RTN1: variants seen among roughly 807,000 people sequenced by gnomAD.
RTN1 encodes reticulon 1, also known as reticulon-1.
Under a neutral mutation model 65.5 loss-of-function variants are expected in RTN1, and 25 were observed. That is an observed-to-expected ratio of 0.38 (90% CI 0.28 to 0.53). The LOEUF (loss-of-function observed/expected upper bound fraction) is 0.53, where lower values mean the gene tolerates loss of function less well. RTN1 is among the 20% of genes least tolerant of loss of function. RTN1 has a pLI of 0.79. For missense variants in RTN1, 983 were observed against 1,025.4 expected (o/e 0.96, Z 0.57); for synonymous variants, 471 against 447.6 (o/e 1.05, Z -0.66).
At chr14:59,839,796 T>C (rs540624126) in intron 1 of RTN1, among the ~76,000 whole-genome samples, 2 of 152,236 alleles carry the variant, frequency 1.3e-5, no homozygotes, top group African/African-American at 2.4e-5. Flanking sequence ...CTCTCTAATA[T>C]ATCTAATTCA....
intron 1 of RTN1, among the ~76,000 whole-genome samples, chr14:59,812,837 G>A (rs1301668069): frequency 2.0e-5 from 3 of 152,194 alleles, no homozygotes; most frequent in African/African-American, 7.2e-5. Context: ...CTGAAATATA[G>A]CACAATCTTT....
At chr14:59,732,506 A>C (rs1663254810) in intron 2 of RTN1, among the ~76,000 whole-genome samples, 1 of 152,210 alleles carries the variant, frequency 6.6e-6, no homozygotes, top group African/African-American at 2.4e-5. Flanking sequence ...CACAAAGCCA[A>C]GGGAACCCCC....
chr14:59,671,765 G>T (rs1002230396), intron 3 of RTN1, among the ~76,000 whole-genome samples: 2 of 152,318 alleles, frequency 1.3e-5, no homozygotes, highest in African/African-American at 4.8e-5. Flanking sequence ...ACCTGAAAAG[G>T]CCAATGCTTA....
In RTN1 at chr14:59,794,392, C is replaced by A. The variant is rs1886404150; in HGVS notation, c.242-47911G>T. On this transcript the variant is annotated intron_variant, in intron 1 of 8. Transcript: ENST00000267484. This position sits in a 1 kb window ranked among gnomAD's most constrained non-coding sequence, Gnocchi z 5.1. ...ACAAACTTGAAAGTATTCTAAGCCA[C>A]TGGATCAAATCACCTCCAAAGCCTG... is the stretch of plus-strand genomic sequence containing the variant. 6.6e-6 allele frequency among the ~76,000 whole-genome samples: 1 copy of A among 152,174 alleles called. No homozygotes were observed. The highest frequency in any genetic ancestry group is 2.1e-4 in the South Asian group (1 of 4,824).
chr14:59,763,248 G>C (rs1054258565), intron 1 of RTN1, among the ~76,000 whole-genome samples: 1 of 152,134 alleles, frequency 6.6e-6, no homozygotes, highest in African/African-American at 2.4e-5. Context: ...TGACAAGAAA[G>C]ATTAATGTCC....
chr14:59,738,852 A>G (rs1885056759), intron 2 of RTN1, among the ~76,000 whole-genome samples: 2 of 152,212 alleles, frequency 1.3e-5, no homozygotes, highest in East Asian at 3.8e-4. Context: ...CTTCACAGGG[A>G]CATGGATGGA....
intron 1 of RTN1, among the ~76,000 whole-genome samples, chr14:59,757,084 C>T (rs1885654820): frequency 6.6e-6 from 1 of 152,156 alleles, no homozygotes; most frequent in African/African-American, 2.4e-5. Context: ...TTCCCATATG[C>T]CCCTGCCTCC....
At chr14:59,798,826 A>C (rs751191622) in intron 1 of RTN1, among the ~76,000 whole-genome samples, 1 of 151,982 alleles carries the variant, frequency 6.6e-6, no homozygotes, top group Non-Finnish European at 1.5e-5. Context: ...GTGGGGAGAC[A>C]TTATTCTGTT....
intron 3 of RTN1, among the ~76,000 whole-genome samples, chr14:59,648,020 TTA>T (rs1882937769): frequency 1.3e-5 from 2 of 151,956 alleles, no homozygotes; most frequent in Non-Finnish European, 2.9e-5. Flanking sequence ...TTGAAAAACA[TTA>T]ATAAGGTAGT....
At chr14:59,701,017 A>G (rs2139447641) in intron 3 of RTN1, among the ~76,000 whole-genome samples, 1 of 152,332 alleles carries the variant, frequency 6.6e-6, no homozygotes, top group South Asian at 2.1e-4. Context: ...TTAGTTCAAC[A>G]GTAAAAAGAA....
intron 3 of RTN1, among the ~76,000 whole-genome samples, chr14:59,624,323 G>A (rs1013406111): frequency 7.9e-5 from 12 of 152,196 alleles, no homozygotes; most frequent in Admixed American, 3.3e-4. Flanking sequence ...TAATTATCAA[G>A]ATTTAAAGTA....
intron 3 of RTN1, among the ~76,000 whole-genome samples, chr14:59,679,929 G>C (rs887739723): frequency 1.3e-5 from 2 of 152,132 alleles, no homozygotes; most frequent in Admixed American, 1.3e-4. Context: ...TAAAAAAATA[G>C]AACTTCTTAA....
intron 3 of RTN1, among the ~76,000 whole-genome samples, chr14:59,697,362 C>A (rs2139444361): frequency 6.6e-6 from 1 of 152,250 alleles, no homozygotes; most frequent in African/African-American, 2.4e-5. Context: ...AGACTACCAC[C>A]ATATCCTGTT....
chr14:59,630,291 G>C (rs1483904887), intron 3 of RTN1, among the ~76,000 whole-genome samples: 1 of 151,996 alleles, frequency 6.6e-6, no homozygotes, highest in Non-Finnish European at 1.5e-5. Flanking sequence ...CATCCATTTT[G>C]ATTCTTGAAA....
intron 1 of RTN1, among the ~76,000 whole-genome samples, chr14:59,788,178 T>C (rs1886286580): frequency 6.6e-6 from 1 of 152,214 alleles, no homozygotes; most frequent in Non-Finnish European, 1.5e-5. Context: ...CCAATAAATG[T>C]CCTTGTACAC....
intron 1 of RTN1, among the ~76,000 whole-genome samples, chr14:59,791,102 T>C (rs143403041): frequency 6.6e-6 from 1 of 152,338 alleles, no homozygotes; most frequent in Non-Finnish European, 1.5e-5. Context: ...AAAGCAATCA[T>C]TGAGGTAAGA....
At chr14:59,700,645 G>A (rs866495154) in intron 3 of RTN1, among the ~76,000 whole-genome samples, 4 of 152,106 alleles carry the variant, frequency 2.6e-5, no homozygotes, top group Non-Finnish European at 4.4e-5. Flanking sequence ...TTAACAAACA[G>A]TACTGAGACA....
intron 1 of RTN1, among the ~76,000 whole-genome samples, chr14:59,822,402 T>C (rs947850822): frequency 6.6e-6 from 1 of 152,230 alleles, no homozygotes; most frequent in Non-Finnish European, 1.5e-5. Context: ...TTCTCTCTTT[T>C]GTTCTTTATT....
chr14:59,798,341 T>C (rs1467070017), intron 1 of RTN1, among the ~76,000 whole-genome samples: 3 of 152,236 alleles, frequency 2.0e-5, no homozygotes, highest in Admixed American at 6.5e-5. Flanking sequence ...TTATATCAGC[T>C]TGTATATTAA....
Sources: allele counts gnomAD v4.1 joint callset (sites outside exome capture counted in the v4.1 genomes callset), GRCh38; gene constraint gnomAD v4.1.1; non-coding constraint Gnocchi (gnomAD v3.1); transcripts MANE v1.5; gene names NCBI Gene and HGNC (gene_info 2026-07-23, HGNC 2026-07-21).